The following TMTC2 variants were observed in gnomAD, a reference collection of about 807,000 sequenced individuals.
TMTC2 encodes transmembrane O-mannosyltransferase targeting cadherins 2, also known as protein O-mannosyl-transferase TMTC2.
In TMTC2, 43 loss-of-function variants were observed where a neutral mutation model predicts 82.4. That is an observed-to-expected ratio of 0.52 (90% confidence interval 0.41 to 0.67). TMTC2 has a LOEUF of 0.67. Among genes scored for constraint, TMTC2 ranks in the 30% least tolerant of loss-of-function variants. The pLI is 0.00. For synonymous variants in TMTC2, 408 were observed against 381.9 expected, an observed-to-expected ratio of 1.07 and a Z score of -0.80; for missense variants, 919 against 1,012.4, an observed-to-expected ratio of 0.91 and a Z score of 1.25.
chr12:82,830,942 CAT>C (rs1869713976), intron 1 of TMTC2, among the ~76,000 whole-genome samples: 1 of 151,954 alleles, frequency 6.6e-6, no homozygotes, highest in South Asian at 2.1e-4. Context: ...GTAGATAGTC[CAT>C]ATCAACTTCA....
intron 11 of TMTC2, among the ~76,000 whole-genome samples, chr12:83,082,151 T>G (rs1233018845): frequency 6.6e-6 from 1 of 152,228 alleles, no homozygotes; most frequent in Non-Finnish European, 1.5e-5. Context: ...ATGATGATGT[T>G]TATGTAGTAG....
chr12:82,739,816 A>G (rs1046097953), intron 1 of TMTC2, among the ~76,000 whole-genome samples: 7 of 149,162 alleles, frequency 4.7e-5, no homozygotes, highest in African/African-American at 1.5e-4. Context: ...GAAGACTTTC[A>G]GATAAAAATT....
chr12:82,731,306 C>T (rs1874797725), intron 1 of TMTC2, among the ~76,000 whole-genome samples: 1 of 152,190 alleles, frequency 6.6e-6, no homozygotes, highest in African/African-American at 2.4e-5. Flanking sequence ...AGGTTGCCAA[C>T]GTGGGGCTCC....
At chr12:82,954,633 T>G (rs1209323382) in intron 4 of TMTC2, among the ~76,000 whole-genome samples, 1 of 152,224 alleles carries the variant, frequency 6.6e-6, no homozygotes, top group African/African-American at 2.4e-5. Flanking sequence ...GCTGTGTTAC[T>G]GAAATATGTA....
intron 1 of TMTC2, among the ~76,000 whole-genome samples, chr12:82,773,075 G>T (rs865837988): frequency 2.0e-5 from 3 of 152,242 alleles, no homozygotes; most frequent in African/African-American, 7.2e-5. Flanking sequence ...TATATGCCAT[G>T]TTGGTTTTTT....
At chr12:82,695,985 A>G (rs1872770987) in intron 1 of TMTC2, among the ~76,000 whole-genome samples, 1 of 152,204 alleles carries the variant, frequency 6.6e-6, no homozygotes, top group Admixed American at 6.5e-5. Flanking sequence ...AAATGTCTCA[A>G]GGTAAAATAG....
chr12:82,974,439 T>C (rs1878579823), intron 7 of TMTC2, among the ~76,000 whole-genome samples: 1 of 152,138 alleles, frequency 6.6e-6, no homozygotes, highest in African/African-American at 2.4e-5. Context: ...GACAATGACA[T>C]CAGTTAGATG....
At chr12:82,865,346 A>T (rs1452105522) in intron 2 of TMTC2, among the ~76,000 whole-genome samples, 2 of 152,162 alleles carry the variant, frequency 1.3e-5, no homozygotes, top group Non-Finnish European at 2.9e-5. Context: ...ACAAAAAATG[A>T]CAGGGGTTGC....
intron 9 of TMTC2, among the ~76,000 whole-genome samples, chr12:83,045,083 G>T (rs1339066773): frequency 6.6e-6 from 1 of 152,148 alleles, no homozygotes; most frequent in Non-Finnish European, 1.5e-5. Flanking sequence ...TGAGAGAATT[G>T]TCCAGAGAAG....
At chr12:82,848,026 C>T (rs80288586) in intron 1 of TMTC2, among the ~76,000 whole-genome samples, 3,715 of 152,076 alleles carry the variant, frequency 0.024, 170 homozygotes, top group African/African-American at 0.086. Context: ...AAATAAGATG[C>T]CTTTTCAACT....
intron 1 of TMTC2, among the ~76,000 whole-genome samples, 185 bp downstream of exon 1, chr12:82,687,854 C>G (rs939519141): frequency 1.3e-5 from 2 of 152,202 alleles, no homozygotes; most frequent in East Asian, 3.9e-4. Context: ...CTGGGCGGGC[C>G]GAGGGAGTTT....
At chr12:82,863,111 T>C (rs1452649570) in intron 2 of TMTC2, among the ~76,000 whole-genome samples, 1 of 152,182 alleles carries the variant, frequency 6.6e-6, no homozygotes, top group Non-Finnish European at 1.5e-5. Flanking sequence ...ATTTATGGCA[T>C]TGTCCCTTTT....
chr12:82,688,880 T>C (rs1042829102), intron 1 of TMTC2, among the ~76,000 whole-genome samples: 7 of 152,316 alleles, frequency 4.6e-5, no homozygotes, highest in Non-Finnish European at 8.8e-5. Context: ...TTCTGTATTC[T>C]CTGGTGTGCC....
At chr12:83,071,161 G>GTTTT (rs71068973) in intron 11 of TMTC2, among the ~76,000 whole-genome samples, 1 of 135,410 alleles carries the variant, frequency 7.4e-6, no homozygotes, top group Non-Finnish European at 1.6e-5. Flanking sequence ...TTTTTTTTTT[G>GTTTT]TTTTTTTTTT....
At chr12:83,088,685 G>T (rs748036979) in intron 11 of TMTC2, among the ~76,000 whole-genome samples, 8 of 152,172 alleles carry the variant, frequency 5.3e-5, no homozygotes, top group Non-Finnish European at 7.3e-5. Context: ...TCTGTTATAT[G>T]GGCATCCCAA....
intron 1 of TMTC2, among the ~76,000 whole-genome samples, chr12:82,845,805 GT>G: frequency 6.6e-6 from 1 of 151,970 alleles, no homozygotes; most frequent in Non-Finnish European, 1.5e-5. Context: ...TGTTGTATTA[GT>G]TTTTGCTTTA....
intron 7 of TMTC2, among the ~76,000 whole-genome samples, chr12:82,972,781 T>C (rs1878507060): frequency 1.3e-5 from 2 of 152,164 alleles, no homozygotes; most frequent in Admixed American, 1.3e-4. Flanking sequence ...GTACATTATG[T>C]TGTGAGTTCA....
chr12:82,688,249 C>T (rs11115345), intron 1 of TMTC2, among the ~76,000 whole-genome samples: 61 of 152,188 alleles, frequency 4.0e-4, no homozygotes, highest in Non-Finnish European at 7.6e-4. Flanking sequence ...CTCCCGCCGC[C>T]CTAGCCTCCT....
At chr12:82,770,982 G>C (rs894090912) in intron 1 of TMTC2, among the ~76,000 whole-genome samples, 4 of 152,216 alleles carry the variant, frequency 2.6e-5, no homozygotes, top group African/African-American at 9.6e-5. Context: ...GCTGAGGTGG[G>C]CGGATCACGA....
Sources: allele counts gnomAD v4.1 joint callset (sites outside exome capture counted in the v4.1 genomes callset), GRCh38; gene constraint gnomAD v4.1.1; transcripts MANE v1.5; gene names NCBI Gene and HGNC (gene_info 2026-07-23, HGNC 2026-07-21).